Variants in BMPR1A observed in about 807,000 individuals in gnomAD.
BMPR1A encodes bone morphogenetic protein receptor type-1A.
A neutral mutation model predicts 66.0 loss-of-function variants in BMPR1A; 7 were observed. The observed-to-expected ratio is 0.11, with a 90% CI of 0.06 to 0.20. The LOEUF is 0.20. Among genes scored for constraint, BMPR1A ranks in the 10% least tolerant of loss-of-function variants. BMPR1A has a pLI of 1.00. For missense variants in BMPR1A, 408 were observed against 669.1 expected, an observed-to-expected ratio of 0.61 and a Z score of 4.31; for synonymous variants, 200 against 229.7, an observed-to-expected ratio of 0.87 and a Z score of 1.17.
In BMPR1A at chr10:86,790,223, A is replaced by C. The variant is rs1325909160; in HGVS notation, c.-268+33304A>C. ...TATATATATATATATATATATATAT[A>C]TATATATATATATCAAAACCACAAT... On this transcript the variant is annotated intron_variant, in intron 1 of 12. Transcript: ENST00000372037. 3.2e-5 allele frequency among the ~76,000 whole-genome samples: 3 copies of C among 93,102 alleles called. 1 individual carries two copies. The highest frequency in any genetic ancestry group is 1.2e-4 in the African/African-American group (3 of 25,430). The allele number at this position is 93,102 out of a possible 152,430, so 61.1% of individuals were successfully genotyped here.
rs59392780 is a variant in BMPR1A at position 86,838,358 on chromosome 10, T to C, written c.-267-507T>C. The stretch of plus-strand genomic sequence containing the variant: ...GTAGTTTAGACCTATTCCACAGGCA[T>C]AGACCAACCAGTGCAATTAATTCTT... On this transcript the variant is annotated intron_variant, in intron 1 of 12. Transcript: ENST00000372037. Among the ~76,000 whole-genome samples the C allele has an allele frequency of 5.5e-3, 843 of 152,352 alleles. 7 individuals carry two copies. The highest frequency in any genetic ancestry group is 0.019 in the African/African-American group (796 of 41,572).
intron 1 of BMPR1A, among the ~76,000 whole-genome samples, chr10:86,790,306 A>G (rs551698314): frequency 6.8e-6 from 1 of 147,944 alleles, no homozygotes; most frequent in South Asian, 2.2e-4. Context: ...ATAATAACAA[A>G]TGCTGGTAAG....
At chr10:86,904,311 C>T (rs183637712) in intron 7 of BMPR1A, among the ~76,000 whole-genome samples, 342 of 152,228 alleles carry the variant, frequency 2.2e-3, no homozygotes, top group African/African-American at 7.6e-3. Flanking sequence ...AATTGTATTG[C>T]TCAAAACCGA....
chr10:86,927,442 G>T lies in BMPR1A; in HGVS notation c.*3723G>T. On this transcript the variant is annotated 3_prime_UTR_variant, in exon 13 of 13. Transcript: ENST00000372037. ...TGTTAAAATAGCAGTGCCACAGCTC[G>T]TCTCTTGCCTTAGTGTGCTGCTGTG... The T allele has an allele frequency of 5.0e-6, 1 of 199,224 alleles. No homozygotes were observed. The highest frequency in any genetic ancestry group is 1.0e-5 in the Non-Finnish European group (1 of 96,388). The allele number at this position is 199,224 out of a possible 1,614,324, so 12.3% of individuals were successfully genotyped here.
chr10:86,912,971 G>A (rs1374176269), intron 8 of BMPR1A, among the ~76,000 whole-genome samples: 2 of 151,878 alleles, frequency 1.3e-5, no homozygotes, highest in South Asian at 2.1e-4. Flanking sequence ...ATCCCAGCAG[G>A]TTCATTTATA....
intron 7 of BMPR1A, among the ~76,000 whole-genome samples, chr10:86,902,884 A>G (rs879298417): frequency 2.0e-5 from 3 of 152,210 alleles, no homozygotes; most frequent in Admixed American, 1.3e-4. Flanking sequence ...GTGCTCACAC[A>G]AGGCTGGGAG....
At position 86,912,275 on chromosome 10, in the gene BMPR1A, A is replaced by G; in HGVS notation, c.566A>G (p.Tyr189Cys). 6.2e-7 allele frequency: 1 copy of G among 1,613,936 alleles called. No individual in the cohort carries two copies. The highest frequency in any genetic ancestry group is 8.5e-7 in the Non-Finnish European group (1 of 1,179,920). Reference sequence around the variant, plus strand: ...AAGAGCATCTCAAGCAGACGTCGTTACAATCGTGATTTGGAACAGGATGAA... The same window carrying G: ...AAGAGCATCTCAAGCAGACGTCGTTGCAATCGTGATTTGGAACAGGATGAA... The part of the protein sequence containing the change: ...YCKSISSRRR[Y>C]NRDLEQDEAF... The change falls in exon 8 of 13, where the codon TAC becomes TGC. Residue 189 changes from tyrosine to cysteine, a missense_variant. Coordinates refer to ENST00000372037, the MANE Select transcript of BMPR1A (RefSeq NM_004329.3).
chr10:86,894,481 A>G (rs150652673), intron 5 of BMPR1A, among the ~76,000 whole-genome samples: 1,622 of 152,336 alleles, frequency 0.011, 38 homozygotes, highest in African/African-American at 0.037. Flanking sequence ...CACACATACT[A>G]TACATTTTTT....
intron 1 of BMPR1A, among the ~76,000 whole-genome samples, chr10:86,824,387 T>C (rs1361594660): frequency 2.6e-5 from 4 of 152,110 alleles, no homozygotes; most frequent in Admixed American, 2.6e-4. Context: ...CCCTTAGGCA[T>C]GTGACTCACG....
At position 86,927,671 on chromosome 10, in the gene BMPR1A, G is replaced by T. The variant is rs1342653467; in HGVS notation, c.*3952G>T. On this transcript the variant is annotated 3_prime_UTR_variant, in exon 13 of 13. Coordinates refer to ENST00000372037, the MANE Select transcript of BMPR1A (RefSeq NM_004329.3). ...TATTTAAGCCCTTTTAGTGACCTTT[G>T]TCCTGGCCCATTTAAAAACTAAAAT... 1.5e-5 allele frequency: 3 copies of T among 198,344 alleles called. No homozygotes were observed. The highest frequency in any genetic ancestry group is 3.1e-5 in the Non-Finnish European group (3 of 96,118). 12.3% of individuals were successfully genotyped at this position (198,344 alleles called of 1,614,324 possible).
intron 11 of BMPR1A, among the ~76,000 whole-genome samples, chr10:86,923,155 C>G (rs1843691983): frequency 1.3e-5 from 2 of 152,158 alleles, no homozygotes; most frequent in Non-Finnish European, 1.5e-5. Context: ...TCGATGGACT[C>G]TATCACAGTT....
intron 3 of BMPR1A, among the ~76,000 whole-genome samples, chr10:86,880,459 C>T (rs4934280): frequency 0.15 from 22,591 of 152,130 alleles, 2,697 homozygotes; most frequent in East Asian, 0.67. Flanking sequence ...TGTCTTTCTC[C>T]GTCGAAGACT....
At chr10:86,874,334 A>T (rs967563311) in intron 2 of BMPR1A, among the ~76,000 whole-genome samples, 2 of 152,190 alleles carry the variant, frequency 1.3e-5, no homozygotes, top group Admixed American at 1.3e-4. Context: ...CATCTTAATA[A>T]AGTCAAATTT....
At chr10:86,854,370 A>C (rs1212593370) in intron 2 of BMPR1A, among the ~76,000 whole-genome samples, 1 of 152,172 alleles carries the variant, frequency 6.6e-6, no homozygotes, top group Admixed American at 6.5e-5. Flanking sequence ...TCCTCAGCTG[A>C]CAGGATTAAG....
downstream of BMPR1A, chr10:86,931,374 T>G (rs189697025): frequency 4.0e-5 from 6 of 149,300 alleles, no homozygotes; most frequent in Admixed American, 4.0e-4. Context: ...AGAGCCATTT[T>G]TAAAAGCCAG....
intron 1 of BMPR1A, among the ~76,000 whole-genome samples, chr10:86,796,490 C>CATTTATTT (rs138802508): frequency 0.021 from 3,130 of 148,158 alleles, 77 homozygotes; most frequent in African/African-American, 0.064. Flanking sequence ...AATTTAGGCA[C>CATTTATTT]ATTTATTTAT....
At chr10:86,892,676 G>A (rs757801060) in intron 5 of BMPR1A, among the ~76,000 whole-genome samples, 1 of 151,806 alleles carries the variant, frequency 6.6e-6, no homozygotes, top group African/African-American at 2.4e-5. Context: ...CAGTCTGCCC[G>A]CATCGGCCCG....
chr10:86,872,976 C>T (rs1330488067), intron 2 of BMPR1A, among the ~76,000 whole-genome samples: 1 of 152,072 alleles, frequency 6.6e-6, no homozygotes, highest in Admixed American at 6.6e-5. Context: ...AAGGCAGATC[C>T]AGAATTTGAA....
intron 1 of BMPR1A, among the ~76,000 whole-genome samples, chr10:86,766,631 T>TTTTTTTTTTG (rs1237506099): frequency 7.9e-5 from 12 of 151,176 alleles, no homozygotes; most frequent in African/African-American, 2.7e-4. Context: ...TTTTTTTTTT[T>TTTTTTTTTTG]TTGAGACGGA....
Sources: gnomAD v4.1 joint callset for allele counts (sites outside exome capture counted in the v4.1 genomes callset) on GRCh38, gnomAD v4.1.1 for gene constraint, MANE v1.5 for transcripts, NCBI Gene and HGNC (gene_info 2026-07-23, HGNC 2026-07-21) for gene names.